The following PARVB variants were observed in gnomAD, a reference collection of about 807,000 sequenced individuals.
PARVB encodes beta-parvin.
Under a neutral mutation model 47.0 loss-of-function variants are expected in PARVB, and 46 were observed. The ratio of observed to expected loss-of-function variants is 0.98; its 90% CI spans 0.77 to 1.25. The LOEUF (loss-of-function observed/expected upper bound fraction) is 1.25, where lower values mean the gene tolerates loss of function less well. Among genes scored for constraint, PARVB ranks in the 50% most tolerant of loss-of-function variants. The pLI, the probability that PARVB is intolerant of heterozygous loss-of-function variation, is 0.00. For synonymous variants in PARVB, 196 were observed against 196.3 expected, an observed-to-expected ratio of 1.00 and a Z score of 0.01; for missense variants, 473 against 471.6, an observed-to-expected ratio of 1.00 and a Z score of -0.03.
intron 3 of PARVB, chr22:44,106,983 A>G (rs1306471302): frequency 6.6e-6 from 1 of 152,238 alleles, no homozygotes; most frequent in Non-Finnish European, 1.5e-5. Context: ...TGGGAGAATA[A>G]TAGCACCAAC....
chr22:44,169,029 G>C lies in PARVB; in HGVS notation c.*351G>C, dbSNP rs2054236750. On this transcript the variant is annotated 3_prime_UTR_variant, in exon 13 of 13. Coordinates refer to ENST00000338758, the MANE Select transcript of PARVB (RefSeq NM_013327.5). ...AAAAAAGCCTGAACCCCAACCCCCA[G>C]CTGGTTGAGAGCACCCTGCATTCTG... 4.6e-6 allele frequency: 1 copy of C among 217,784 alleles called. No individual in the cohort carries two copies. Among genetic ancestry groups the C allele is most frequent in the Admixed American group, 5.2e-5 (1 of 19,180 alleles). The allele number at this position is 217,784 out of a possible 1,614,324, so 13.5% of individuals were successfully genotyped here.
rs2053322384 is a variant in PARVB, at chr22:44,131,594, C to T, written c.484C>T (p.Pro162Ser). Residue 162 changes from proline to serine, a missense_variant, in exon 5 of 13, where the codon CCC becomes TCC. Transcript: ENST00000338758. Reference sequence around the variant, plus strand: ...GGAAGCAGTACATGACCTGCTGCGGCCCCGAGGCTGGGCGCTCCGGTGGAG... The same window carrying T: ...GGAAGCAGTACATGACCTGCTGCGGTCCCGAGGCTGGGCGCTCCGGTGGAG... Reference protein sequence around the residue: ...VLEAVHDLLRPRGWALRWSVD... With the variant: ...VLEAVHDLLRSRGWALRWSVD... 3 of 1,614,044 alleles carry T rather than the reference C, an allele frequency of 1.9e-6. No individual in the cohort carries two copies. The highest frequency in any genetic ancestry group is 2.5e-6 in the Non-Finnish European group (3 of 1,179,986).
intron 1 of PARVB, among the ~76,000 whole-genome samples, chr22:44,067,125 A>G (rs1010262055): frequency 2.0e-5 from 3 of 152,164 alleles, no homozygotes; most frequent in African/African-American, 7.2e-5. Flanking sequence ...TACAGGTGTG[A>G]ACCACTGTGC....
At chr22:44,074,487 C>T (rs377428233) in intron 1 of PARVB, among the ~76,000 whole-genome samples, 9 of 152,220 alleles carry the variant, frequency 5.9e-5, no homozygotes, top group African/African-American at 1.9e-4. Flanking sequence ...GTGCCACCCT[C>T]GGATGCTTCC....
At chr22:44,084,760 C>T (rs1219963365) in intron 1 of PARVB, among the ~76,000 whole-genome samples, 3 of 152,142 alleles carry the variant, frequency 2.0e-5, no homozygotes, top group Non-Finnish European at 4.4e-5. Flanking sequence ...CCAGTGCTGC[C>T]GGGAGAGGCC....
chr22:44,042,065 G>A (rs2051028775), intron 1 of PARVB, among the ~76,000 whole-genome samples: 1 of 152,122 alleles, frequency 6.6e-6, no homozygotes, highest in Admixed American at 6.5e-5. Flanking sequence ...GGTTGGTGGT[G>A]AGCAGACGAA....
At chr22:44,070,975 G>A (rs188857258) in intron 1 of PARVB, among the ~76,000 whole-genome samples, 3 of 152,140 alleles carry the variant, frequency 2.0e-5, no homozygotes, top group Non-Finnish European at 2.9e-5. Context: ...CTAGACCCCA[G>A]ACCAGGACCC....
At position 44,093,977 on chromosome 22, in the gene PARVB, C is replaced by G. The variant is rs2052234216; in HGVS notation, c.162C>G (p.Ser54=). 6.2e-7 allele frequency: 1 copy of G among 1,613,628 alleles called. No individual in the cohort carries two copies. Among genetic ancestry groups the G allele is most frequent in the Non-Finnish European group, 8.5e-7 (1 of 1,179,534 alleles). ...EGKNAINSPM[S]PALVDVHPED... is the part of the protein sequence containing the mutation. ...AGAATGCCATCAACTCACCGATGTCCCCCGCCCTGGTGGATGTTCACCCTG... is the reference window on the plus strand; with the variant it reads ...AGAATGCCATCAACTCACCGATGTCGCCCGCCCTGGTGGATGTTCACCCTG... Residue 54 remains serine, a synonymous_variant, in exon 2 of 13, where the codon TCC becomes TCG. Coordinates refer to ENST00000338758, the MANE Select transcript of PARVB (RefSeq NM_013327.5).
At position 44,119,148 on chromosome 22, in the gene PARVB, C is replaced by T. The variant is rs370887945; in HGVS notation, c.376+8C>T. The T allele has an allele frequency of 1.3e-6, 2 of 1,593,912 alleles. No individual in the cohort carries two copies. Among genetic ancestry groups the T allele is most frequent in the Non-Finnish European group, 1.7e-6 (2 of 1,161,890 alleles). ...TGCTGCAGAAGCTCTTGGGTGAGTTCACAGCAGGGACAGCTCTGTCCCACC... is the reference window on the plus strand; with the variant it reads ...TGCTGCAGAAGCTCTTGGGTGAGTTTACAGCAGGGACAGCTCTGTCCCACC... On this transcript the variant is annotated splice_region_variant and intron_variant, in intron 4 of 12. Coordinates refer to ENST00000338758, the MANE Select transcript of PARVB (RefSeq NM_013327.5).
chr22:44,024,570 G>C (rs1420630546), intron 1 of PARVB, 119 bp downstream of exon 1: 1 of 373,402 alleles, frequency 2.7e-6, no homozygotes, highest in East Asian at 8.9e-5. Flanking sequence ...CGGCCCACGC[G>C]GCTGCGCGAC....
At chr22:44,079,606 G>A (rs1396678401) in intron 1 of PARVB, among the ~76,000 whole-genome samples, 1 of 152,204 alleles carries the variant, frequency 6.6e-6, no homozygotes, top group Admixed American at 6.5e-5. Flanking sequence ...GAAGCCACCG[G>A]TGGAGAACTG....
At chr22:44,070,874 A>G (rs1256590165) in intron 1 of PARVB, among the ~76,000 whole-genome samples, 4 of 151,884 alleles carry the variant, frequency 2.6e-5, no homozygotes, top group Non-Finnish European at 4.4e-5. Flanking sequence ...GATTCTCTTC[A>G]CTCAGGTGTG....
At chr22:44,055,678 C>CTATATATATATATATATA (rs3083346) in intron 1 of PARVB, among the ~76,000 whole-genome samples, 7 of 142,678 alleles carry the variant, frequency 4.9e-5, no homozygotes, top group African/African-American at 1.8e-4. Context: ...CTCTCTCTCT[C>CTATATATATATATATATA]TATATATATA....
Position 43,999,413 on chromosome 22 carries a change from T to A in PARVB, c.71+2T>A. The A allele has an allele frequency of 6.2e-7, 1 of 1,607,772 alleles. No individual in the cohort carries two copies. Among genetic ancestry groups the A allele is most frequent in the African/African-American group, 1.3e-5 (1 of 74,894 alleles). On this transcript the variant is annotated splice_donor_variant, in intron 1 of 13. Transcript: ENST00000406477. LOFTEE classifies it high-confidence loss of function. ...CCTTAGTCCAGAGAACAAAAACTGGTGAGCTGTGATTTAAACAAAACGAAT... is the reference window on the plus strand; with the variant it reads ...CCTTAGTCCAGAGAACAAAAACTGGAGAGCTGTGATTTAAACAAAACGAAT...
chr22:44,009,808 CTTTT>C (rs546290064), intron 2 of PARVB, among the ~76,000 whole-genome samples: 2 of 132,884 alleles, frequency 1.5e-5, no homozygotes, highest in African/African-American at 2.8e-5. Flanking sequence ...GCATATGAAT[CTTTT>C]TTTTTTTTTT....
At position 44,172,341 on chromosome 22, in the gene PARVB, C is replaced by G. The variant is rs1352557089; in HGVS notation, c.*3663C>G. On this transcript the variant is annotated 3_prime_UTR_variant, in exon 13 of 13. Transcript: ENST00000338758. ...GGCACCACGTTTTCAGTGAATGGTT[C>G]TTTGAAGAGGAACCCTGGTCCATAG... The G allele has an allele frequency of 2.0e-5, 3 of 152,392 alleles. No homozygotes were observed. The highest frequency in any genetic ancestry group is 7.2e-5 in the African/African-American group (3 of 41,444). 9.4% of individuals were successfully genotyped at this position (152,392 alleles called of 1,614,324 possible). A position where few individuals can be genotyped will look rare whatever the true frequency, so the allele number is the denominator to read the frequency against.
At chr22:44,064,958 T>C (rs1601548668) in intron 1 of PARVB, among the ~76,000 whole-genome samples, 1 of 152,182 alleles carries the variant, frequency 6.6e-6, no homozygotes, top group East Asian at 1.9e-4. Flanking sequence ...CCAGGTTTGG[T>C]TGATTGTATG....
chr22:44,110,541 A>G (rs993205928), intron 3 of PARVB: 1 of 152,098 alleles, frequency 6.6e-6, no homozygotes, highest in Admixed American at 6.5e-5. Flanking sequence ...CATCTTTTTC[A>G]GATTGTTTTG....
chr22:44,029,422 T>G (rs1359967375), intron 1 of PARVB, among the ~76,000 whole-genome samples: 1 of 152,238 alleles, frequency 6.6e-6, no homozygotes, highest in African/African-American at 2.4e-5. Context: ...CTCTTGATCC[T>G]GATATCTCCT....
Sources: allele counts gnomAD v4.1 joint callset (sites outside exome capture counted in the v4.1 genomes callset), GRCh38; gene constraint gnomAD v4.1.1; transcripts MANE v1.5; gene names NCBI Gene and HGNC (gene_info 2026-07-23, HGNC 2026-07-21).